The following UBR2 variants were observed in gnomAD, a reference collection of about 807,000 sequenced individuals.
UBR2 encodes ubiquitin protein ligase E3 component n-recognin 2.
A neutral mutation model predicts 247.9 loss-of-function variants in UBR2; 92 were observed. The ratio of observed to expected loss-of-function variants is 0.37; its 90% CI spans 0.31 to 0.44. The LOEUF (loss-of-function observed/expected upper bound fraction) is 0.44. Ranked by LOEUF, UBR2 falls within the 20% of genes least tolerant of loss-of-function variation. The pLI, the probability that UBR2 is intolerant of heterozygous loss-of-function variation, is 1.00. For synonymous variants in UBR2, 672 were observed against 693.5 expected (o/e 0.97, Z 0.49); for missense variants, 1,613 against 2,112.6 (o/e 0.76, Z 4.64).
In UBR2 at chr6:42,688,230, G is replaced by T; in HGVS notation, c.4868G>T (p.Gly1623Val). Residue 1623 changes from glycine (G) to valine (V), a missense_variant, in exon 45 of 47, where the codon GGT becomes GTT. Gly to Val is a moderately radical substitution (Grantham distance 109). Transcript: ENST00000372901. ...QASNFSCPKS[G>V]GDKSRAPTLC... ...ATCCCTTGGAGGTGCCCGAAATCAG[G>T]TGGTGATAAGAGCAGAGCCCCAACT... 6.2e-7 allele frequency: 1 copy of T among 1,614,156 alleles called. No homozygotes were observed. The highest frequency in any genetic ancestry group is 8.5e-7 in the Non-Finnish European group (1 of 1,180,026).
chr6:42,597,983 G>A (rs907141771), intron 4 of UBR2, among the ~76,000 whole-genome samples: 1 of 151,882 alleles, frequency 6.6e-6, no homozygotes, highest in African/African-American at 2.4e-5. Context: ...TAACATACCT[G>A]TTCCCAGTAA....
At chr6:42,649,093 C>T (rs1027902249) in intron 22 of UBR2, among the ~76,000 whole-genome samples, 23 of 152,110 alleles carry the variant, frequency 1.5e-4, no homozygotes, top group African/African-American at 4.8e-4. Context: ...CTGCAACCTC[C>T]GCCTCCTAGG....
chr6:42,632,946 TTTCTC>T, intron 13 of UBR2, 42 bp downstream of exon 13: 3 of 1,188,040 alleles, frequency 2.5e-6, no homozygotes, highest in Non-Finnish European at 3.4e-6. Context: ...CTTTTTTTTT[TTTCTC>T]TTTTCTCTTT....
intron 2 of UBR2, among the ~76,000 whole-genome samples, chr6:42,575,044 T>A (rs1415784689): frequency 6.9e-6 from 1 of 145,712 alleles, no homozygotes; most frequent in East Asian, 2.0e-4. Flanking sequence ...TATATGGCAA[T>A]TTTAAACCTA....
rs535072098 is a variant in UBR2, at chr6:42,627,004, TAGAG to T, written c.1282-5546_1282-5543del. On this transcript the variant is annotated intron_variant, in intron 11 of 46. Coordinates refer to ENST00000372901, the MANE Select transcript of UBR2 (RefSeq NM_001363705.2). ...ATTTATGAAGACGAGGGAATTGCAA[TAGAG>T]AAAGAGTTTAGTACACAGAGAGCTG... Among the ~76,000 whole-genome samples the T allele has an allele frequency of 8.5e-5, 13 of 152,182 alleles. No homozygotes were observed. The South Asian group carries it at 1.7e-3, about 19-fold the overall frequency.
chr6:42,663,821 T>C (rs1385413216), intron 32 of UBR2, among the ~76,000 whole-genome samples: 1 of 152,170 alleles, frequency 6.6e-6, no homozygotes, highest in African/African-American at 2.4e-5. Context: ...TTCATAGTTT[T>C]AAGAACCAGG....
At chr6:42,568,155 G>A (rs1790892771) in intron 1 of UBR2, among the ~76,000 whole-genome samples, 1 of 152,104 alleles carries the variant, frequency 6.6e-6, no homozygotes, top group Admixed American at 6.5e-5. Flanking sequence ...GTTTTATTGA[G>A]ATATAACTCA....
chr6:42,677,531 A>G (rs1382057493), intron 40 of UBR2, among the ~76,000 whole-genome samples: 3 of 152,202 alleles, frequency 2.0e-5, no homozygotes, highest in Admixed American at 6.5e-5. Context: ...TAATCCCAGC[A>G]CTTTGGGAGA....
intron 11 of UBR2, among the ~76,000 whole-genome samples, chr6:42,628,312 A>G (rs1461917805): frequency 6.6e-6 from 1 of 152,164 alleles, no homozygotes; most frequent in Non-Finnish European, 1.5e-5. Flanking sequence ...ATTATTATGC[A>G]CATCCCTGGT....
chr6:42,569,532 A>C (rs1355356219), intron 1 of UBR2, among the ~76,000 whole-genome samples: 2 of 152,150 alleles, frequency 1.3e-5, no homozygotes, highest in Non-Finnish European at 2.9e-5. Context: ...TAATTTGTAG[A>C]GCTCTTAATA....
chr6:42,612,230 C>T lies in UBR2; in HGVS notation c.924C>T (p.Val308=), dbSNP rs762803625. ...LKVQVMHSSI[V]AHQNFGLKLL... ...TTCAAGTTATGCATTCGTCTATTGT[C>T]GCACATCAGAATTTTGGTTTGAAAC... Residue 308 remains valine (V), a synonymous_variant, in exon 8 of 47, where the codon GTC becomes GTT. Transcript: ENST00000372901. 5 of 1,546,820 alleles carry T rather than the reference C, an allele frequency of 3.2e-6. No homozygotes were observed. The highest frequency in any genetic ancestry group is 1.3e-5 in the African/African-American group (1 of 74,258).
intron 11 of UBR2, among the ~76,000 whole-genome samples, chr6:42,619,205 T>C (rs1432161090): frequency 6.6e-6 from 1 of 151,454 alleles, no homozygotes; most frequent in African/African-American, 2.4e-5. Flanking sequence ...TAGGCCTTTT[T>C]CAAAAAGATG....
chr6:42,596,463 C>T (rs1215583359), intron 4 of UBR2, among the ~76,000 whole-genome samples: 4 of 151,914 alleles, frequency 2.6e-5, no homozygotes, highest in East Asian at 3.9e-4. Flanking sequence ...TAAACATTAC[C>T]GTATATTTCA....
In UBR2 at chr6:42,573,872, A is replaced by G. The variant is rs148562323; in HGVS notation, c.217A>G (p.Met73Val). Residue 73 changes from methionine to valine, a missense_variant, in exon 2 of 47, where the codon ATG (methionine) becomes GTG (valine). Around this residue, in one of 3 missense-constraint regions of UBR2, gnomAD observed 1,524 missense variants for 1,967.3 expected, o/e 0.77. Transcript: ENST00000372901. ...MLAQHVLLGPMEWYLCGEDPA... is the reference protein window; with the variant it reads ...MLAQHVLLGPVEWYLCGEDPA... ...GGCACAGCATGTTTTGTTGGGACCA[A>G]TGGAATGGTACCTTTGTGGTGAAGA... 1.5e-5 allele frequency: 24 copies of G among 1,614,110 alleles called. No individual in the cohort carries two copies. The highest frequency in any genetic ancestry group is 1.6e-4 in the Middle Eastern group (1 of 6,062).
intron 2 of UBR2, among the ~76,000 whole-genome samples, chr6:42,586,625 G>A (rs571224659): frequency 1.6e-5 from 2 of 129,024 alleles, no homozygotes; most frequent in South Asian, 2.5e-4. Context: ...GTAGCATTTC[G>A]TTTTGATTAT....
At chr6:42,684,347 C>A (rs181539232) in intron 43 of UBR2, among the ~76,000 whole-genome samples, 60 of 151,732 alleles carry the variant, frequency 4.0e-4, no homozygotes, top group Admixed American at 2.3e-3. Flanking sequence ...GAGGCCGAGG[C>A]GGGCAGATCA....
chr6:42,676,082 G>T lies in UBR2; in HGVS notation c.4278G>T (p.Ala1426=), dbSNP rs146539040. The part of the protein sequence containing the change: ...LLVGLVLAFP[A]LQCQDFSGIS... ...TGGGCTTGGTGCTTGCATTTCCTGC[G>T]TTGCAGTGTCAGGATTTTTCAGGGA... The change falls in exon 39 of 47, where the codon GCG becomes GCT. Residue 1426 remains alanine, a synonymous_variant. Coordinates refer to ENST00000372901, the MANE Select transcript of UBR2 (RefSeq NM_001363705.2). 539 of 1,613,152 alleles carry T rather than the reference G, an allele frequency of 3.3e-4. 5 individuals carry two copies. In the Middle Eastern group the frequency reaches 6.9e-3, roughly 21 times the overall value.
chr6:42,658,648 T>A lies in UBR2; in HGVS notation c.3066T>A (p.Ser1022Arg). Residue 1022 changes from serine (S) to arginine (R), a missense_variant and splice_region_variant, in exon 29 of 47, where the codon AGT (serine) becomes AGA (arginine). Transcript: ENST00000372901. ...AATTGAATGGAGCATAATTTCAGAG[T>A]TCAAGGGACAAAGACAAAGCTGAGA... The part of the protein sequence containing the change: ...AETEGTIMEE[S>R]SRDKDKAERK... 6.2e-7 allele frequency: 1 copy of A among 1,600,224 alleles called. No individual in the cohort carries two copies. The highest frequency in any genetic ancestry group is 8.5e-7 in the Non-Finnish European group (1 of 1,176,094).
chr6:42,619,841 C>T, intron 11 of UBR2: 1 of 583,848 alleles, frequency 1.7e-6, no homozygotes, highest in Non-Finnish European at 2.2e-6. Context: ...TCTCAGCCTC[C>T]CAAGTAGCTG....
Sources: gnomAD v4.1 joint callset for allele counts (sites outside exome capture counted in the v4.1 genomes callset) on GRCh38, gnomAD v4.1.1 for gene constraint, gnomAD v4.1.1 regional missense constraint, MANE v1.5 for transcripts, NCBI Gene and HGNC (gene_info 2026-07-23, HGNC 2026-07-21) for gene names.